The following ERC2 variants were observed in gnomAD, a reference collection of about 807,000 sequenced individuals.
ERC2 encodes ELKS/RAB6-interacting/CAST family member 2.
ERC2 carries 42 observed loss-of-function variants against 114.8 expected under a neutral mutation model. The ratio of observed to expected loss-of-function variants is 0.37; its 90% CI spans 0.29 to 0.47. The LOEUF (loss-of-function observed/expected upper bound fraction) is 0.47, where lower values mean the gene tolerates loss of function less well. Ranked by LOEUF, ERC2 falls within the 20% of genes least tolerant of loss-of-function variation. The pLI is 0.99. For synonymous variants in ERC2, 454 were observed against 425.5 expected, an observed-to-expected ratio of 1.07 and a Z score of -0.82; for missense variants, 939 against 1,150.7, an observed-to-expected ratio of 0.82 and a Z score of 2.66.
chr3:56,191,836 C>T (rs2047808413), intron 3 of ERC2, among the ~76,000 whole-genome samples: 1 of 152,060 alleles, frequency 6.6e-6, no homozygotes, highest in Admixed American at 6.6e-5. Context: ...CTCGGATGAA[C>T]TCAAATCTCA....
intron 14 of ERC2, among the ~76,000 whole-genome samples, chr3:55,880,790 CA>C (rs200308050): frequency 0.12 from 14,662 of 123,978 alleles, 772 homozygotes; most frequent in South Asian, 0.18. Context: ...AGTATTATAG[CA>C]AAAAAAAAAA....
chr3:56,431,741 T>TA (rs1242744150), intron 2 of ERC2, among the ~76,000 whole-genome samples: 1 of 152,236 alleles, frequency 6.6e-6, no homozygotes, highest in African/African-American at 2.4e-5. Context: ...ATATTGCAAG[T>TA]AAATTGACTT....
At chr3:55,841,315 C>G (rs1407676836) in intron 14 of ERC2, among the ~76,000 whole-genome samples, 1 of 152,034 alleles carries the variant, frequency 6.6e-6, no homozygotes, top group Non-Finnish European at 1.5e-5. Flanking sequence ...GTTCTCATGA[C>G]AGTGAATAAG....
At chr3:55,533,574 G>A (rs887692160) in intron 17 of ERC2, among the ~76,000 whole-genome samples, 1 of 152,208 alleles carries the variant, frequency 6.6e-6, no homozygotes, top group Non-Finnish European at 1.5e-5. Context: ...AAGAGTAGAA[G>A]ACTGCCAAGA....
At chr3:56,118,786 G>A (rs933831488) in intron 6 of ERC2, among the ~76,000 whole-genome samples, 2 of 151,816 alleles carry the variant, frequency 1.3e-5, no homozygotes, top group Non-Finnish European at 2.9e-5. Context: ...ACAGGCACCC[G>A]CCACCACGCC....
In ERC2 at chr3:55,590,752, A is replaced by AG. The variant is rs1252210813; in HGVS notation, c.*40-79477_*40-79476insC. Among the ~76,000 whole-genome samples, 4 of 152,356 alleles carry AG rather than the reference A, an allele frequency of 2.6e-5. No homozygotes were observed. In the East Asian group the frequency reaches 7.7e-4, roughly 29 times the overall value. The stretch of plus-strand genomic sequence containing the variant: ...GAAAGACATATACCAAATTGTCCAC[A>AG]ATGGTAGCATCTGGTGTTGTAATCA... On this transcript the variant is annotated intron_variant, in intron 17 of 17. Transcript: ENST00000288221.
intron 3 of ERC2, among the ~76,000 whole-genome samples, chr3:56,204,586 TC>T (rs2048603185): frequency 6.6e-6 from 1 of 151,952 alleles, no homozygotes; most frequent in African/African-American, 2.4e-5. Context: ...TCACTGCAAC[TC>T]TGCCTCTTGG....
At chr3:55,872,907 C>G (rs972366335) in intron 14 of ERC2, among the ~76,000 whole-genome samples, 13 of 152,152 alleles carry the variant, frequency 8.5e-5, no homozygotes, top group South Asian at 2.1e-4. Flanking sequence ...TAGGACTAGA[C>G]CAGCTGTTCT....
intron 1 of ERC2, among the ~76,000 whole-genome samples, chr3:56,462,979 C>T (rs867002107): frequency 2.0e-5 from 3 of 152,150 alleles, no homozygotes; most frequent in South Asian, 2.1e-4. Context: ...CTAATCCCAG[C>T]ACTTTGGGAG....
chr3:55,537,628 C>G (rs868403000), intron 17 of ERC2, among the ~76,000 whole-genome samples: 1 of 152,164 alleles, frequency 6.6e-6, no homozygotes, highest in African/African-American at 2.4e-5. Flanking sequence ...CTGGGTCAAC[C>G]TCTAGTTTAG....
chr3:56,368,896 G>A (rs1299620893), intron 2 of ERC2, among the ~76,000 whole-genome samples: 2 of 152,124 alleles, frequency 1.3e-5, no homozygotes, highest in Non-Finnish European at 2.9e-5. Flanking sequence ...AAATATAGCA[G>A]TGAAATTCTA....
chr3:56,414,091 G>A (rs2061048034), intron 2 of ERC2, among the ~76,000 whole-genome samples: 1 of 152,184 alleles, frequency 6.6e-6, no homozygotes, highest in South Asian at 2.1e-4. Flanking sequence ...GGCAGCTGTA[G>A]AAATCCAAGT....
At chr3:55,632,515 T>G (rs967415244) in intron 17 of ERC2, among the ~76,000 whole-genome samples, 29 of 152,220 alleles carry the variant, frequency 1.9e-4, no homozygotes, top group African/African-American at 6.5e-4. Context: ...CAGCTCTCTA[T>G]TCTCTTAAGT....
intron 2 of ERC2, among the ~76,000 whole-genome samples, chr3:56,327,608 G>C (rs1040421408): frequency 6.6e-6 from 1 of 152,098 alleles, no homozygotes; most frequent in South Asian, 2.1e-4. Flanking sequence ...CCAGGGAGGC[G>C]TAGGTTGCAA....
intron 2 of ERC2, among the ~76,000 whole-genome samples, chr3:56,356,174 G>A (rs972091599): frequency 2.0e-5 from 3 of 152,166 alleles, no homozygotes; most frequent in African/African-American, 4.8e-5. Flanking sequence ...TCAAAGCAGT[G>A]GAGAACACCA....
At chr3:55,700,389 C>T (rs1463126789) in intron 15 of ERC2, among the ~76,000 whole-genome samples, 1 of 152,202 alleles carries the variant, frequency 6.6e-6, no homozygotes, top group Non-Finnish European at 1.5e-5. Flanking sequence ...GTCCTGGCTC[C>T]ACCTCTTTGC....
intron 16 of ERC2, among the ~76,000 whole-genome samples, chr3:55,685,203 A>C (rs528937140): frequency 3.9e-5 from 6 of 152,324 alleles, no homozygotes; most frequent in Admixed American, 1.3e-4. Flanking sequence ...AGAGTTCATC[A>C]TACTGCCAAA....
intron 17 of ERC2, among the ~76,000 whole-genome samples, chr3:55,643,688 T>C (rs2060280166): frequency 6.6e-6 from 1 of 152,226 alleles, no homozygotes; most frequent in Non-Finnish European, 1.5e-5. Context: ...TAGCTATTAT[T>C]ATTTTCTCAT....
rs112038094 is a variant in ERC2, at chr3:56,073,923, A to G, written c.1641+6894T>C. Among the ~76,000 whole-genome samples the G allele has an allele frequency of 7.2e-3, 1,092 of 152,230 alleles. 14 individuals carry two copies. Among genetic ancestry groups the G allele is most frequent in the African/African-American group, 0.025 (1,029 of 41,538 alleles). On this transcript the variant is annotated intron_variant, in intron 7 of 17. Coordinates refer to ENST00000288221, the MANE Select transcript of ERC2 (RefSeq NM_015576.3). ...TAAACAGATATTGAAAGCCACCACA[A>G]TCTTTCTTTTTTCTACATATAACTT...
Sources: gnomAD v4.1 joint callset for allele counts (sites outside exome capture counted in the v4.1 genomes callset) on GRCh38, gnomAD v4.1.1 for gene constraint, MANE v1.5 for transcripts, NCBI Gene and HGNC (gene_info 2026-07-23, HGNC 2026-07-21) for gene names.